Variants in SATB1 observed in about 807,000 individuals in gnomAD.
SATB1 encodes the protein SATB homeobox 1.
SATB1 carries 11 observed loss-of-function variants against 86.9 expected under a neutral mutation model. The ratio of observed to expected loss-of-function variants is 0.13; its 90% CI spans 0.08 to 0.21. SATB1 has a LOEUF of 0.21. Among genes scored for constraint, SATB1 ranks in the 10% least tolerant of loss-of-function variants. The pLI, the probability that SATB1 is intolerant of heterozygous loss-of-function variation, is 1.00. For missense variants in SATB1, 551 were observed against 937.6 expected (o/e 0.59, Z 5.39); for synonymous variants, 357 against 357.2 (o/e 1.00, Z 0.01).
In SATB1 at chr3:18,444,662, A is replaced by T. The variant is rs537103621; in HGVS notation, c.-25+856T>A. 9.9e-5 allele frequency: 97 copies of T among 982,218 alleles called. 1 individual carries two copies. The South Asian group carries it at 1.6e-3, about 16-fold the overall frequency. 60.8% of individuals were successfully genotyped at this position (982,218 alleles called of 1,614,324 possible). A position where few individuals can be genotyped will look rare whatever the true frequency, so the allele number is the denominator to read the frequency against. Reference sequence around the variant, plus strand: ...TGTCGAGTGCGGGCCTGAAACCAAGAACGGCTCCCCGGGCGGGCGCGCCGG... The same window carrying T: ...TGTCGAGTGCGGGCCTGAAACCAAGTACGGCTCCCCGGGCGGGCGCGCCGG... On this transcript the variant is annotated intron_variant, in intron 1 of 3. Transcript: ENST00000415069. This position sits in a 1 kb window ranked among gnomAD's most constrained non-coding sequence, Gnocchi z 5.1.
Position 18,351,629 on chromosome 3 carries a change from CACTGTGGT to C in SATB1, c.1779+355_1779+362del. The stretch of plus-strand genomic sequence containing the variant: ...CAGCGGTTGCTCTTTTCCTCAGGGG[CACTGTGGT>C]ATTAATTAAAAAATAGGTGGTGTTT... On this transcript the variant is annotated intron_variant, in intron 10 of 10. Transcript: ENST00000338745. The C allele has an allele frequency of 9.3e-6, 5 of 535,070 alleles. No homozygotes were observed. The South Asian group carries it at 1.2e-4, about 13-fold the overall frequency. 33.1% of individuals were successfully genotyped at this position (535,070 alleles called of 1,614,324 possible). A position where few individuals can be genotyped will look rare whatever the true frequency, so the allele number is the denominator to read the frequency against.
intron 6 of SATB1, 107 bp from the exon 7 acceptor site, chr3:18,395,023 C>T (rs1024363259): frequency 2.3e-6 from 2 of 852,910 alleles, no homozygotes; most frequent in Admixed American, 5.9e-5. Context: ...GGGCACACCC[C>T]AAATCCAATA....
At chr3:18,425,573 C>A (rs1029965041), upstream of SATB1, among the ~76,000 whole-genome samples, 1 of 151,132 alleles carries the variant, frequency 6.6e-6, no homozygotes, top group Non-Finnish European at 1.5e-5. Context: ...GGGGAGCGCA[C>A]GATTTCCGGC....
chr3:18,352,286 T>A lies in SATB1; in HGVS notation c.1576-91A>T. Reference sequence around the variant, plus strand: ...GCTAAAAAGGAAAAACCCTATGAATTAACTTTTTCATAAGCTCAGAACACA... The same window carrying A: ...GCTAAAAAGGAAAAACCCTATGAATAAACTTTTTCATAAGCTCAGAACACA... On this transcript the variant is annotated intron_variant, in intron 9 of 10. Coordinates refer to ENST00000338745, the MANE Select transcript of SATB1 (RefSeq NM_002971.6). The surrounding 1 kb of genome is among the most constrained non-coding windows in gnomAD (Gnocchi z 4.1). The A allele has an allele frequency of 1.8e-6, 2 of 1,128,746 alleles. No homozygotes were observed. Among genetic ancestry groups the A allele is most frequent in the Non-Finnish European group, 2.6e-6 (2 of 769,902 alleles). 69.9% of individuals were successfully genotyped at this position (1,128,746 alleles called of 1,614,324 possible). A position where few individuals can be genotyped will look rare whatever the true frequency, so the allele number is the denominator to read the frequency against.
chr3:18,355,904 A>G (rs1416808877), intron 9 of SATB1, among the ~76,000 whole-genome samples: 1 of 152,054 alleles, frequency 6.6e-6, no homozygotes, highest in Non-Finnish European at 1.5e-5. Flanking sequence ...AAGCAACATT[A>G]CACTGCATAT....
rs75160842 is a variant in SATB1 at position 18,370,614 on chromosome 3, T to G, written c.1575+7556A>C. Among the ~76,000 whole-genome samples the G allele has an allele frequency of 8.6e-3, 1,258 of 146,482 alleles. 22 individuals are homozygous for G. The highest frequency in any genetic ancestry group is 0.031 in the African/African-American group (1,221 of 39,924). On this transcript the variant is annotated intron_variant, in intron 9 of 10. Coordinates refer to ENST00000338745, the MANE Select transcript of SATB1 (RefSeq NM_002971.6). The stretch of plus-strand genomic sequence containing the variant: ...CTAAAAACAAGGAAAGAAATGCCAC[T>G]TAAGATTCACCTGCTAAACAAAAGA...
At chr3:18,389,369 A>T (rs1289618913) in intron 7 of SATB1, among the ~76,000 whole-genome samples, 1 of 144,278 alleles carries the variant, frequency 6.9e-6, no homozygotes. Context: ...ATAATTACTT[A>T]AAAAAAAAAG....
At chr3:18,367,711 C>T (rs2091282749) in intron 9 of SATB1, among the ~76,000 whole-genome samples, 2 of 152,190 alleles carry the variant, frequency 1.3e-5, no homozygotes, top group South Asian at 4.1e-4. Flanking sequence ...ACAACAGCAT[C>T]CCTAACGAAG....
At chr3:18,379,536 G>T (rs1284879546) in intron 8 of SATB1, among the ~76,000 whole-genome samples, 1 of 152,126 alleles carries the variant, frequency 6.6e-6, no homozygotes, top group African/African-American at 2.4e-5. Context: ...ATAAACAAAT[G>T]ATTTTTTTGG....
Position 18,348,928 on chromosome 3 carries a change from C to G in SATB1, c.*242G>C, listed in dbSNP as rs1054834219. 1 of 589,332 alleles carries G rather than the reference C, an allele frequency of 1.7e-6. No individual in the cohort carries two copies. The highest frequency in any genetic ancestry group is 1.9e-5 in the African/African-American group (1 of 53,424). The allele number at this position is 589,332 out of a possible 1,614,324, so 36.5% of individuals were successfully genotyped here. A position where few individuals can be genotyped will look rare whatever the true frequency, so the allele number is the denominator to read the frequency against. On this transcript the variant is annotated 3_prime_UTR_variant, in exon 11 of 11. Coordinates refer to ENST00000338745, the MANE Select transcript of SATB1 (RefSeq NM_002971.6). ...CACACTTTGGTGCATCCCGTGAACACAAATTTTAATACCAAACAATCCTTG... is the reference window on the plus strand; with the variant it reads ...CACACTTTGGTGCATCCCGTGAACAGAAATTTTAATACCAAACAATCCTTG...
chr3:18,412,694 C>T (rs1487122759), intron 5 of SATB1, among the ~76,000 whole-genome samples: 1 of 152,066 alleles, frequency 6.6e-6, no homozygotes, highest in Non-Finnish European at 1.5e-5. Context: ...ACATCTTCAT[C>T]ACCAAATCTT....
At chr3:18,402,445 T>C (rs1304085834) in intron 5 of SATB1, among the ~76,000 whole-genome samples, 2 of 152,104 alleles carry the variant, frequency 1.3e-5, no homozygotes, top group Non-Finnish European at 2.9e-5. Context: ...AAATCTGTTA[T>C]CACTGATTGC....
Position 18,415,227 on chromosome 3 carries a change from T to G in SATB1, c.523A>C (p.Lys175Gln). The G allele has an allele frequency of 6.2e-7, 1 of 1,612,834 alleles. No homozygotes were observed. The highest frequency in any genetic ancestry group is 8.5e-7 in the Non-Finnish European group (1 of 1,179,138). ...TLKIQLHSCP[K>Q]LEDLPPEQWS... is the part of the protein sequence containing the mutation. ...TGTTCGGGAGGCAAGTCTTCTAGTT[T>G]GGGGCAACTATTTGAGACATAGATT... is the stretch of plus-strand genomic sequence containing the variant. The change falls in exon 5 of 11, where the codon AAA becomes CAA. Residue 175 changes from lysine (K) to glutamine (Q), a missense_variant. Transcript: ENST00000338745.
At chr3:18,351,830 T>C in intron 10 of SATB1, 162 bp downstream of exon 10, 1 of 655,568 alleles carries the variant, frequency 1.5e-6, no homozygotes, top group South Asian at 1.9e-5. Flanking sequence ...AAAAGTATGT[T>C]AATATTCATT....
chr3:18,387,555 A>G (rs894563988), intron 7 of SATB1, among the ~76,000 whole-genome samples: 5 of 152,302 alleles, frequency 3.3e-5, no homozygotes, highest in Admixed American at 2.0e-4. Flanking sequence ...GGTTCTCCCC[A>G]TTGCATTTAA....
At chr3:18,419,170 A>G (rs1483587141) in intron 2 of SATB1, among the ~76,000 whole-genome samples, 1 of 152,190 alleles carries the variant, frequency 6.6e-6, no homozygotes, top group Non-Finnish European at 1.5e-5. Context: ...TAAAGTGACA[A>G]TAGTACTATC....
upstream of SATB1, among the ~76,000 whole-genome samples, chr3:18,442,245 T>G (rs1301796051): frequency 6.6e-6 from 1 of 152,090 alleles, no homozygotes; most frequent in African/African-American, 2.4e-5. Flanking sequence ...TATTCGTTAT[T>G]TTTTCATATA....
At chr3:18,403,105 A>G (rs757305111) in intron 5 of SATB1, among the ~76,000 whole-genome samples, 14 of 152,128 alleles carry the variant, frequency 9.2e-5, no homozygotes, top group Non-Finnish European at 1.6e-4. Context: ...AATACAGGTA[A>G]AGCAAGACTG....
At chr3:18,357,266 A>T (rs1265592595) in intron 9 of SATB1, among the ~76,000 whole-genome samples, 1 of 151,852 alleles carries the variant, frequency 6.6e-6, no homozygotes, top group Non-Finnish European at 1.5e-5. Context: ...TTTGATACAA[A>T]CATTTTAGTG....
Sources: gnomAD v4.1 joint callset for allele counts (sites outside exome capture counted in the v4.1 genomes callset) on GRCh38, gnomAD v4.1.1 for gene constraint, Gnocchi (gnomAD v3.1) non-coding constraint, MANE v1.5 for transcripts, NCBI Gene and HGNC (gene_info 2026-07-23, HGNC 2026-07-21) for gene names.